Variants in MYO7A observed in about 807,000 individuals in gnomAD.
MYO7A encodes the protein myosin VIIA.
MYO7A carries 210 observed loss-of-function variants against 263.8 expected under a neutral mutation model. The ratio of observed to expected loss-of-function variants is 0.80; its 90% CI spans 0.71 to 0.89. MYO7A has a LOEUF of 0.89. Ranked by LOEUF, MYO7A falls within the 40% of genes least tolerant of loss-of-function variation. The pLI is 0.00. For synonymous variants in MYO7A, 1,239 were observed against 1,197.3 expected (o/e 1.03, Z -0.72); for missense variants, 2,820 against 2,968.3 (o/e 0.95, Z 1.16).
rs1555077039 is a variant in MYO7A, at chr11:77,172,778, C to G, written c.1828C>G (p.Leu610Val). 6.4e-7 allele frequency: 1 copy of G among 1,560,160 alleles called. No homozygotes were observed. Among genetic ancestry groups the G allele is most frequent in the Admixed American group, 1.9e-5 (1 of 52,322 alleles). ...GAETRKRSPT[L>V]SSQFKRSLEL... ...CGAGACCAGGAAGCGCTCGCCCACA[C>G]TTAGCAGCCAGTTCAAGCGGTCACT... The change falls in exon 16 of 49, where the codon CTT becomes GTT. Residue 610 changes from leucine (L) to valine (V), a missense_variant. Coordinates refer to ENST00000409709, the MANE Select transcript of MYO7A (RefSeq NM_000260.4).
intron 18 of MYO7A, among the ~76,000 whole-genome samples, chr11:77,176,845 A>G (rs571756631): frequency 6.6e-6 from 1 of 152,254 alleles, no homozygotes; most frequent in East Asian, 1.9e-4. Context: ...TCCCCTCCCC[A>G]GCATCTAGCA....
chr11:77,179,602 T>C (rs1555082463), intron 20 of MYO7A, 133 bp from the exon 21 acceptor site: 2 of 732,746 alleles, frequency 2.7e-6, no homozygotes, highest in African/African-American at 3.5e-5. Context: ...GGCACTAATC[T>C]GAGAGGAGAC....
At chr11:77,205,670 G>A (rs980996194) in intron 40 of MYO7A, 53 bp downstream of exon 40, 14 of 1,605,090 alleles carry the variant, frequency 8.7e-6, no homozygotes, top group Admixed American at 8.4e-5. Context: ...TCCTGGCCAC[G>A]CGGGGCTTGT....
intron 3 of MYO7A, among the ~76,000 whole-genome samples, chr11:77,146,014 C>CT (rs1440742313): frequency 1.3e-5 from 2 of 152,232 alleles, no homozygotes; most frequent in Non-Finnish European, 2.9e-5. Context: ...TGCCCGGCCC[C>CT]TGTGTGAGGC....
chr11:77,204,550 T>G (rs572259203), intron 39 of MYO7A, among the ~76,000 whole-genome samples: 119 of 152,324 alleles, frequency 7.8e-4, no homozygotes, highest in African/African-American at 2.8e-3. Context: ...CAGGTCCAGC[T>G]CAGTCAAGTG....
intron 29 of MYO7A, 58 bp downstream of exon 29, chr11:77,190,197 T>C (rs1303646309): frequency 7.9e-6 from 9 of 1,145,872 alleles, no homozygotes; most frequent in Non-Finnish European, 1.1e-5. Flanking sequence ...TGTAAATGCG[T>C]GTGTGTGTGT....
intron 8 of MYO7A, among the ~76,000 whole-genome samples, chr11:77,157,916 C>A (rs1019346167): frequency 6.6e-6 from 1 of 152,162 alleles, no homozygotes; most frequent in Non-Finnish European, 1.5e-5. Flanking sequence ...CCTAGGGGGT[C>A]GAGTCCCTGA....
intron 2 of MYO7A, chr11:77,139,336 G>A (rs889482971): frequency 1.3e-5 from 2 of 152,200 alleles, no homozygotes; most frequent in East Asian, 1.9e-4. Context: ...GGCACGACTC[G>A]GGCTGGGAGC....
intron 30 of MYO7A, chr11:77,191,189 G>A (rs529161096): frequency 7.2e-5 from 15 of 208,632 alleles, no homozygotes; most frequent in Admixed American, 3.7e-4. Flanking sequence ...GCACGGTGGC[G>A]CACGCCTGTA....
intron 23 of MYO7A, among the ~76,000 whole-genome samples, 172 bp from the exon 24 acceptor site, chr11:77,181,774 TTTTTG>T (rs782222641): frequency 9.2e-4 from 27 of 29,252 alleles, no homozygotes; most frequent in African/African-American, 4.8e-3. Flanking sequence ...CAAGTTTTTT[TTTTTG>T]TTTTTTTTTT....
chr11:77,181,786 T>TG (rs1283573131), intron 23 of MYO7A, among the ~76,000 whole-genome samples, 165 bp from the exon 24 acceptor site: 1 of 136,854 alleles, frequency 7.3e-6, no homozygotes, highest in South Asian at 2.6e-4. Flanking sequence ...TTTGTTTTTT[T>TG]TTTTTTTTTT....
At position 77,203,133 on chromosome 11, in the gene MYO7A, A is replaced by G. The variant is rs1254420609; in HGVS notation, c.5242A>G (p.Thr1748Ala). The change falls in exon 38 of 49, where the codon ACG (threonine) becomes GCG (alanine). Residue 1748 changes from threonine to alanine, a missense_variant. Coordinates refer to ENST00000409709, the MANE Select transcript of MYO7A (RefSeq NM_000260.4). ...ARGKDRLWSHTREPLKQALLK... is the reference protein window; with the variant it reads ...ARGKDRLWSHAREPLKQALLK... Reference sequence around the variant, plus strand: ...AGGCAAGGACCGGCTGTGGAGCCACACGCGGGAACCGCTCAAGCAGGCGCT... The same window carrying G: ...AGGCAAGGACCGGCTGTGGAGCCACGCGCGGGAACCGCTCAAGCAGGCGCT... 1.3e-6 allele frequency: 2 copies of G among 1,550,486 alleles called. No individual in the cohort carries two copies. The highest frequency in any genetic ancestry group is 8.7e-7 in the Non-Finnish European group (1 of 1,147,752).
intron 44 of MYO7A, among the ~76,000 whole-genome samples, chr11:77,210,429 CAGAT>C (rs1957787591): frequency 6.6e-6 from 1 of 151,900 alleles, no homozygotes; most frequent in Admixed American, 6.6e-5. Context: ...GATGGATGGA[CAGAT>C]AGGGAGATGG....
At chr11:77,204,015 C>A in intron 38 of MYO7A, 61 bp from the exon 39 acceptor site, 2 of 1,509,204 alleles carry the variant, frequency 1.3e-6, no homozygotes, top group Non-Finnish European at 1.8e-6. Flanking sequence ...GAAGTGGGGC[C>A]TCCGGACCCC....
At chr11:77,180,309 G>C (rs1591373859) in intron 21 of MYO7A, 65 bp from the exon 22 acceptor site, 3 of 1,426,522 alleles carry the variant, frequency 2.1e-6, no homozygotes, top group African/African-American at 2.8e-5. Flanking sequence ...GGGTGGAGCT[G>C]GTGGGAATCC....
Position 77,194,452 on chromosome 11 carries a change from C to A in MYO7A, c.4251C>A (p.Ile1417=). The change falls in exon 32 of 49, where the codon ATC becomes ATA. Residue 1417 remains isoleucine, a synonymous_variant. Transcript: ENST00000409709. ...ERLLNLVPTY[I]PDREITPLKT... ...TCCTGAACCTCGTGCCCACCTACAT[C>A]CCCGACCGCGAGATCACGCCCCTGA... 1 of 1,610,990 alleles carries A rather than the reference C, an allele frequency of 6.2e-7. No homozygotes were observed. Among genetic ancestry groups the A allele is most frequent in the Middle Eastern group, 1.7e-4 (1 of 6,050 alleles).
chr11:77,174,910 A>G lies in MYO7A; in HGVS notation c.2090A>G (p.Lys697Arg), dbSNP rs2135426130. ...VLLPGVKPAY[K>R]QGDLRGTCQR... is the part of the protein sequence containing the mutation. ...CTGCCAGGTGTGAAGCCGGCCTACA[A>G]GCAGGTACAGGGCTGAGTGCACAGA... Residue 697 changes from lysine (K) to arginine (R), a missense_variant, in exon 17 of 49, where the codon AAG becomes AGG. Transcript: ENST00000409709. 6.2e-7 allele frequency: 1 copy of G among 1,613,554 alleles called. No individual in the cohort carries two copies. Among genetic ancestry groups the G allele is most frequent in the East Asian group, 2.2e-5 (1 of 44,872 alleles).
At chr11:77,143,218 C>T (rs1360769759) in intron 3 of MYO7A, among the ~76,000 whole-genome samples, 2 of 152,198 alleles carry the variant, frequency 1.3e-5, no homozygotes, top group South Asian at 2.1e-4. Context: ...TCCTGACCCT[C>T]AGTTTCCTCT....
Position 77,192,051 on chromosome 11 carries a change from G to T in MYO7A, c.3925G>T (p.Val1309Leu), listed in dbSNP as rs1956122713. The T allele has an allele frequency of 6.2e-7, 1 of 1,611,948 alleles. No individual in the cohort carries two copies. Among genetic ancestry groups the T allele is most frequent in the Non-Finnish European group, 8.5e-7 (1 of 1,179,298 alleles). The change falls in exon 31 of 49, where the codon GTG becomes TTG. Residue 1309 changes from valine (V) to leucine (L), a missense_variant and splice_region_variant. Transcript: ENST00000409709. ...FSLYIALFDK[V>L]SSLGSGSDHV... ...GCTCCCCTCCCCTCTGTGCCCACAG[G>T]TGTCCTCCCTGGGCAGCGGCAGTGA... is the stretch of plus-strand genomic sequence containing the variant.
Sources: gnomAD v4.1 joint callset for allele counts (sites outside exome capture counted in the v4.1 genomes callset) on GRCh38, gnomAD v4.1.1 for gene constraint, MANE v1.5 for transcripts, NCBI Gene and HGNC (gene_info 2026-07-23, HGNC 2026-07-21) for gene names.